The following LMCD1 variants were observed in gnomAD, a reference collection of about 807,000 sequenced individuals.
LMCD1 encodes LIM and cysteine-rich domains protein 1.
A neutral mutation model predicts 42.7 loss-of-function variants in LMCD1; 32 were observed. The observed-to-expected ratio is 0.75, with a 90% CI of 0.57 to 1.01. The LOEUF (loss-of-function observed/expected upper bound fraction) is 1.01, where lower values mean the gene tolerates loss of function less well. Ranked by LOEUF, LMCD1 falls within the 50% of genes least tolerant of loss-of-function variation. The pLI is 0.00. For synonymous variants in LMCD1, 178 were observed against 184.9 expected (o/e 0.96, Z 0.30); for missense variants, 458 against 483.1 (o/e 0.95, Z 0.49).
chr3:8,510,330 G>C (rs1473301067), intron 1 of LMCD1, among the ~76,000 whole-genome samples: 4 of 152,188 alleles, frequency 2.6e-5, no homozygotes, highest in Admixed American at 2.6e-4. Flanking sequence ...CAGTCTCCTT[G>C]TTAAGAGGAT....
chr3:8,545,997 C>T (rs1439849690), intron 3 of LMCD1, among the ~76,000 whole-genome samples: 1 of 152,136 alleles, frequency 6.6e-6, no homozygotes, highest in African/African-American at 2.4e-5. Context: ...TGTAATGGCT[C>T]ACGCCTATAA....
chr3:8,523,483 C>T (rs776402608), intron 1 of LMCD1, among the ~76,000 whole-genome samples: 4 of 152,162 alleles, frequency 2.6e-5, no homozygotes, highest in Non-Finnish European at 5.9e-5. Flanking sequence ...GCACTTTATC[C>T]AAGTCATTTT....
At chr3:8,518,760 A>G (rs1484132313) in intron 1 of LMCD1, among the ~76,000 whole-genome samples, 1 of 152,110 alleles carries the variant, frequency 6.6e-6, no homozygotes, top group African/African-American at 2.4e-5. Flanking sequence ...AAGAGAGGAG[A>G]AGAGCCAGTG....
rs1694532185 is a variant in LMCD1, at chr3:8,537,417, C to T, written c.364C>T (p.Pro122Ser). 1.3e-6 allele frequency: 2 copies of T among 1,594,266 alleles called. No homozygotes were observed. The highest frequency in any genetic ancestry group is 4.5e-5 in the East Asian group (2 of 44,474). The part of the protein sequence containing the change: ...TFDTITYEWA[P>S]PGVTQKLGLQ... ...TGACACCATCACCTACGAGTGGGCT[C>T]CCCCTGGAGTCACCCAGAAACTGGT... Residue 122 changes from proline to serine, a missense_variant, in exon 3 of 6, where the codon CCC becomes TCC. Physicochemically the swap from Pro to Ser is moderately conservative, Grantham distance 74 (BLOSUM62 -1). Coordinates refer to ENST00000157600, the MANE Select transcript of LMCD1 (RefSeq NM_014583.4).
intron 1 of LMCD1, among the ~76,000 whole-genome samples, chr3:8,505,067 C>T (rs559901772): frequency 2.6e-5 from 4 of 152,316 alleles, no homozygotes; most frequent in Admixed American, 1.3e-4. Flanking sequence ...AGATGATGTA[C>T]ATAAAAGGCT....
chr3:8,504,024 C>T (rs1472455831), intron 1 of LMCD1, among the ~76,000 whole-genome samples: 1 of 152,194 alleles, frequency 6.6e-6, no homozygotes, highest in Non-Finnish European at 1.5e-5. Flanking sequence ...CTAGTGCCAA[C>T]TTCCTTGGCC....
At position 8,567,918 on chromosome 3, in the gene LMCD1, G is replaced by T. The variant is rs1242874513; in HGVS notation, c.*320G>T. 5.3e-6 allele frequency: 1 copy of T among 187,448 alleles called. No homozygotes were observed. Among genetic ancestry groups the T allele is most frequent in the East Asian group, 1.3e-4 (1 of 7,824 alleles). 11.6% of individuals were successfully genotyped at this position (187,448 alleles called of 1,614,324 possible). ...GCGTTCTGCAAGGGGACTCTGGGAG[G>T]AGTTTTCCAGAATGCAATTCCGAGT... On this transcript the variant is annotated 3_prime_UTR_variant, in exon 6 of 6. Coordinates refer to ENST00000157600, the MANE Select transcript of LMCD1 (RefSeq NM_014583.4).
chr3:8,543,080 A>G lies in LMCD1; in HGVS notation c.388-5488A>G, dbSNP rs192901193. 1.0e-3 allele frequency among the ~76,000 whole-genome samples: 152 copies of G among 152,314 alleles called. 2 individuals are homozygous for G. In the Middle Eastern group the frequency reaches 0.014, roughly 14 times the overall value. ...AGTCAGGCCTGATCCCCACTCTGGC[A>G]GAGTGAGCCAAGCTCTTCTTTCCAC... On this transcript the variant is annotated intron_variant, in intron 3 of 5. Transcript: ENST00000157600.
rs1695229517 is a variant in LMCD1, at chr3:8,572,154, G to A, written c.*4556G>A. 6.6e-6 allele frequency: 1 copy of A among 152,178 alleles called. No individual in the cohort carries two copies. Among genetic ancestry groups the A allele is most frequent in the South Asian group, 2.1e-4 (1 of 4,832 alleles). 9.4% of individuals were successfully genotyped at this position (152,178 alleles called of 1,614,324 possible). On this transcript the variant is annotated 3_prime_UTR_variant, in exon 6 of 6. Coordinates refer to ENST00000157600, the MANE Select transcript of LMCD1 (RefSeq NM_014583.4). ...GACCTTGACATCTTAGAAGATTAAA[G>A]GTTATTTAAAGTTGTTGAGTTAAAT...
intron 1 of LMCD1, among the ~76,000 whole-genome samples, chr3:8,513,622 A>T (rs1694042778): frequency 6.6e-6 from 1 of 152,176 alleles, no homozygotes; most frequent in South Asian, 2.1e-4. Flanking sequence ...AAAGGGAGGG[A>T]TGTATACAAA....
chr3:8,573,364 CAT>C lies in LMCD1; in HGVS notation c.*5768_*5769del, dbSNP rs893177932. On this transcript the variant is annotated 3_prime_UTR_variant, in exon 6 of 6. Coordinates refer to ENST00000157600, the MANE Select transcript of LMCD1 (RefSeq NM_014583.4). ...TCAAGCTAACATATCCATTACCTCA[CAT>C]AGTTATTTTTTGTGGTGAGAACATT... 4.7e-4 allele frequency: 72 copies of C among 152,180 alleles called. No individual in the cohort carries two copies. Among genetic ancestry groups the C allele is most frequent in the African/African-American group, 1.7e-3 (71 of 41,440 alleles). 9.4% of individuals were successfully genotyped at this position (152,180 alleles called of 1,614,324 possible). A position where few individuals can be genotyped will look rare whatever the true frequency, so the allele number is the denominator to read the frequency against.
rs1015220486 is a variant in LMCD1 at position 8,532,784 on chromosome 3, A to G, written c.90A>G (p.Gly30=). The G allele has an allele frequency of 6.2e-7, 1 of 1,613,704 alleles. No individual in the cohort carries two copies. Among genetic ancestry groups the G allele is most frequent in the Admixed American group, 1.7e-5 (1 of 59,944 alleles). ...CAGCAAGAGGTGTGGCATGTTTGGG[A>G]TGCAAGGGGACGTGTTCGGGCTTCG... ...LQSARGVACL[G]CKGTCSGFEP... is the part of the protein sequence containing the mutation. The change falls in exon 2 of 6, where the codon GGA becomes GGG. Residue 30 remains glycine, a synonymous_variant. Coordinates refer to ENST00000157600, the MANE Select transcript of LMCD1 (RefSeq NM_014583.4).
rs375316339 is a variant in LMCD1 at position 8,548,734 on chromosome 3, T to C, written c.554T>C (p.Phe185Ser). 3.1e-6 allele frequency: 5 copies of C among 1,614,028 alleles called. No homozygotes were observed. Among genetic ancestry groups the C allele is most frequent in the Non-Finnish European group, 4.2e-6 (5 of 1,179,984 alleles). ...AATGAGTTGAAACTGATGGAAGAAT[T>C]TGTCAAGCAATATAAGAGCGAGGCC... ...LENELKLMEEFVKQYKSEALG... is the reference protein window; with the variant it reads ...LENELKLMEESVKQYKSEALG... The change falls in exon 4 of 6, where the codon TTT (phenylalanine) becomes TCT (serine). Residue 185 changes from phenylalanine to serine, a missense_variant. Transcript: ENST00000157600.
rs1351050527 is a variant in LMCD1 at position 8,501,827 on chromosome 3, A to G, written c.-112A>G. On this transcript the variant is annotated 5_prime_UTR_variant, in exon 1 of 6. Transcript: ENST00000157600. The stretch of plus-strand genomic sequence containing the variant: ...GGCCCAGCTGCGCCTGGCTGCGCAC[A>G]GAGCTCCCTCCCAGGCCCGCGAACT... 2 of 891,426 alleles carry G rather than the reference A, an allele frequency of 2.2e-6. No homozygotes were observed. Among genetic ancestry groups the G allele is most frequent in the Non-Finnish European group, 3.4e-6 (2 of 579,834 alleles). The allele number at this position is 891,426 out of a possible 1,614,324, so 55.2% of individuals were successfully genotyped here. A position where few individuals can be genotyped will look rare whatever the true frequency, so the allele number is the denominator to read the frequency against.
chr3:8,538,675 A>G (rs1441936985), intron 3 of LMCD1, among the ~76,000 whole-genome samples: 1 of 152,236 alleles, frequency 6.6e-6, no homozygotes, highest in Non-Finnish European at 1.5e-5. Flanking sequence ...TTCTCCAGAT[A>G]TTCAGTTTAC....
At position 8,537,302 on chromosome 3, in the gene LMCD1, T is replaced by C; in HGVS notation, c.249T>C (p.Ala83=). The C allele has an allele frequency of 6.2e-7, 1 of 1,614,074 alleles. No individual in the cohort carries two copies. Among genetic ancestry groups the C allele is most frequent in the Middle Eastern group, 1.7e-4 (1 of 6,060 alleles). ...LMDSKYSTLT[A]RVKGGDGIRI... The stretch of plus-strand genomic sequence containing the variant: ...ACTCCAAGTATTCCACCCTCACTGC[T>C]CGGGTGAAAGGCGGGGACGGCATCC... Residue 83 remains alanine (A), a synonymous_variant, in exon 3 of 6, where the codon GCT becomes GCC. Transcript: ENST00000157600.
At chr3:8,512,808 C>G (rs2125012091) in intron 1 of LMCD1, among the ~76,000 whole-genome samples, 1 of 152,312 alleles carries the variant, frequency 6.6e-6, no homozygotes, top group African/African-American at 2.4e-5. Context: ...TAGGGATTCT[C>G]TAGGTCAACT....
chr3:8,557,893 C>G (rs1694952566), intron 4 of LMCD1, among the ~76,000 whole-genome samples: 1 of 152,188 alleles, frequency 6.6e-6, no homozygotes, highest in Non-Finnish European at 1.5e-5. Flanking sequence ...TCACCTGAAG[C>G]TCGTTCACTC....
intron 1 of LMCD1, among the ~76,000 whole-genome samples, chr3:8,510,458 C>G (rs1693974539): frequency 6.6e-6 from 1 of 152,224 alleles, no homozygotes; most frequent in African/African-American, 2.4e-5. Flanking sequence ...AACCTAGGAT[C>G]TGTAGATAGA....
Sources: gnomAD v4.1 joint callset for allele counts (sites outside exome capture counted in the v4.1 genomes callset) on GRCh38, gnomAD v4.1.1 for gene constraint, MANE v1.5 for transcripts, NCBI Gene and HGNC (gene_info 2026-07-23, HGNC 2026-07-21) for gene names.